LDLRAD4: variants seen among roughly 807,000 people sequenced by gnomAD.
LDLRAD4 encodes low-density lipoprotein receptor class A domain-containing protein 4.
In LDLRAD4, 5 loss-of-function variants were observed where a neutral mutation model predicts 17.0. The observed-to-expected ratio is 0.29, with a 90% CI of 0.15 to 0.62. The LOEUF (loss-of-function observed/expected upper bound fraction) is 0.62. Ranked by LOEUF, LDLRAD4 falls within the 20% of genes least tolerant of loss-of-function variation. The probability of loss-of-function intolerance (pLI) is 0.84; values close to 1 mark genes in which losing one functional copy is unlikely to be tolerated. For synonymous variants in LDLRAD4, 168 were observed against 171.8 expected (o/e 0.98, Z 0.17); for missense variants, 340 against 424.7 (o/e 0.80, Z 1.75).
chr18:13,581,155 G>T (rs781296172), intron 3 of LDLRAD4, among the ~76,000 whole-genome samples: 1 of 152,228 alleles, frequency 6.6e-6, no homozygotes, highest in Non-Finnish European at 1.5e-5. Flanking sequence ...TATGCAGTGC[G>T]TAATAATTTT....
chr18:13,250,256 C>T (rs1598900479), intron 1 of LDLRAD4, among the ~76,000 whole-genome samples: 1 of 152,074 alleles, frequency 6.6e-6, no homozygotes, highest in East Asian at 1.9e-4. Flanking sequence ...AGTGTGATAC[C>T]TCCAATTTTG....
Position 13,621,785 on chromosome 18 carries a change from G to A in LDLRAD4, c.336+514G>A, listed in dbSNP as rs910249276. ...CCTCGGGAGCTTCCTGGGGATCGGCGGTGGGGTTGTTGGCGGTGGGCTTGT... is the reference window on the plus strand; with the variant it reads ...CCTCGGGAGCTTCCTGGGGATCGGCAGTGGGGTTGTTGGCGGTGGGCTTGT... On this transcript the variant is annotated intron_variant, in intron 4 of 5. Coordinates refer to ENST00000359446, the Ensembl canonical transcript of LDLRAD4. The surrounding 1 kb of genome is among the most constrained non-coding windows in gnomAD (Gnocchi z 5.5). Among the ~76,000 whole-genome samples, 4 of 152,190 alleles carry A rather than the reference G, an allele frequency of 2.6e-5. No individual in the cohort carries two copies. Among genetic ancestry groups the A allele is most frequent in the South Asian group, 4.2e-4 (2 of 4,812 alleles).
intron 1 of LDLRAD4, among the ~76,000 whole-genome samples, chr18:13,322,628 A>AT (rs1200170547): frequency 8.2e-6 from 1 of 121,654 alleles, no homozygotes; most frequent in East Asian, 2.5e-4. Flanking sequence ...TCTTTTTCTT[A>AT]TTTTTTTGAG....
chr18:13,417,902 A>G (rs2089068925), intron 2 of LDLRAD4, among the ~76,000 whole-genome samples: 4 of 151,872 alleles, frequency 2.6e-5, no homozygotes, highest in South Asian at 2.1e-4. Flanking sequence ...TGCTATATAC[A>G]TTTTGCCATA....
intron 3 of LDLRAD4, among the ~76,000 whole-genome samples, chr18:13,513,974 TC>T (rs2147516394): frequency 6.6e-6 from 1 of 152,372 alleles, no homozygotes; most frequent in African/African-American, 2.4e-5. Context: ...GTGGATCAAT[TC>T]AGGGAACTGG....
exon 6 of LDLRAD4, chr18:13,649,949 G>C (rs2043175613): frequency 5.0e-6 from 2 of 397,708 alleles, no homozygotes; most frequent in Non-Finnish European, 8.8e-6. Flanking sequence ...GGTGGGCAAA[G>C]GGAGAACTTC....
intron 3 of LDLRAD4, among the ~76,000 whole-genome samples, chr18:13,542,047 G>A (rs11662858): frequency 0.07 from 10,690 of 152,204 alleles, 537 homozygotes; most frequent in Non-Finnish European, 0.1. Context: ...CCGCACTCCA[G>A]CCCTGGCAAC....
intron 2 of LDLRAD4, among the ~76,000 whole-genome samples, chr18:13,399,908 T>C (rs1341378705): frequency 6.6e-6 from 1 of 152,252 alleles, no homozygotes; most frequent in Non-Finnish European, 1.5e-5. Flanking sequence ...GAAGACCCTT[T>C]ATTACCTATT....
intron 3 of LDLRAD4, chr18:13,585,501 A>G (rs2094921905): frequency 6.6e-6 from 1 of 152,216 alleles, no homozygotes; most frequent in Non-Finnish European, 1.5e-5. Context: ...AAGCAGGGTC[A>G]TTCTGATGAT....
intron 1 of LDLRAD4, among the ~76,000 whole-genome samples, chr18:13,380,059 T>TG (rs1199385494): frequency 2.0e-5 from 3 of 148,338 alleles, no homozygotes; most frequent in Non-Finnish European, 3.0e-5. Context: ...TCTACGGGGG[T>TG]GGGGCTGGGT....
At chr18:13,520,951 C>A (rs1013169504) in intron 3 of LDLRAD4, 2 of 152,214 alleles carry the variant, frequency 1.3e-5, no homozygotes, top group Non-Finnish European at 2.9e-5. Flanking sequence ...AATACATCCC[C>A]ACCCTCGGCA....
At chr18:13,514,094 T>C (rs979103307) in intron 3 of LDLRAD4, among the ~76,000 whole-genome samples, 12 of 152,228 alleles carry the variant, frequency 7.9e-5, no homozygotes, top group African/African-American at 1.4e-4. Context: ...TACTTTGTCG[T>C]ATATGTTAAC....
At chr18:13,337,094 C>T (rs1228084968) in intron 1 of LDLRAD4, among the ~76,000 whole-genome samples, 1 of 152,204 alleles carries the variant, frequency 6.6e-6, no homozygotes, top group Non-Finnish European at 1.5e-5. Context: ...GAGCCTCTCT[C>T]CATCTCTGAT....
At chr18:13,571,748 C>T (rs867332122) in intron 3 of LDLRAD4, among the ~76,000 whole-genome samples, 27 of 152,056 alleles carry the variant, frequency 1.8e-4, no homozygotes, top group Non-Finnish European at 3.2e-4. Context: ...GTCATTCTCC[C>T]GCCTCAGCCT....
At chr18:13,638,656 T>C (rs2042275616) in intron 4 of LDLRAD4, among the ~76,000 whole-genome samples, 1 of 152,204 alleles carries the variant, frequency 6.6e-6, no homozygotes, top group African/African-American at 2.4e-5. Flanking sequence ...CTGGTCCTTA[T>C]AATGGTCAAA....
intron 4 of LDLRAD4, among the ~76,000 whole-genome samples, chr18:13,636,316 A>G (rs573254758): frequency 7.9e-5 from 12 of 152,178 alleles, no homozygotes; most frequent in African/African-American, 2.6e-4. Context: ...CCATCTCATG[A>G]ATACACATTG....
rs73951948 is a variant in LDLRAD4, at chr18:13,285,212, T to G, written c.-383+7024T>G. Among the ~76,000 whole-genome samples, 1,512 of 152,262 alleles carry G rather than the reference T, an allele frequency of 9.9e-3. 29 individuals carry two copies. Among genetic ancestry groups the G allele is most frequent in the African/African-American group, 0.033 (1,377 of 41,540 alleles). On this transcript the variant is annotated intron_variant, in intron 1 of 5. Coordinates refer to ENST00000359446, the Ensembl canonical transcript of LDLRAD4. ...GGCCCAGGGGCATCTGTGAATTCCT[T>G]GAAATGTTGCCAGTTCCTGGGGAGA...
intron 3 of LDLRAD4, among the ~76,000 whole-genome samples, chr18:13,578,613 TG>T (rs1487211114): frequency 1.3e-5 from 2 of 152,152 alleles, no homozygotes; most frequent in Non-Finnish European, 2.9e-5. Context: ...GAAGTGACAG[TG>T]GCGATCTTAT....
rs143456670 is a variant in LDLRAD4 at position 13,450,024 on chromosome 18, C to T, written c.181+11640C>T. 3.0e-4 allele frequency among the ~76,000 whole-genome samples: 45 copies of T among 152,284 alleles called. No individual in the cohort carries two copies. The East Asian group carries it at 6.6e-3, about 22-fold the overall frequency. On this transcript the variant is annotated intron_variant, in intron 3 of 5. Transcript: ENST00000359446. ...AAGGACAGCCAAAGGAACACATTAC[C>T]GAGAGAGTTCGCTCTTCCATTTGCA...
Sources: allele counts gnomAD v4.1 joint callset (sites outside exome capture counted in the v4.1 genomes callset), GRCh38; gene constraint gnomAD v4.1.1; non-coding constraint Gnocchi (gnomAD v3.1); transcripts MANE v1.5; gene names NCBI Gene and HGNC (gene_info 2026-07-23, HGNC 2026-07-21).